COL25A1: variants seen among roughly 807,000 people sequenced by gnomAD.
COL25A1 encodes the protein collagen type XXV alpha 1 chain.
Under a neutral mutation model 128.4 loss-of-function variants are expected in COL25A1, and 103 were observed. That is an observed-to-expected ratio of 0.80 (90% CI 0.68 to 0.94). The LOEUF is 0.94. Among genes scored for constraint, COL25A1 ranks in the 40% least tolerant of loss-of-function variants. COL25A1 has a pLI of 0.00. For synonymous variants in COL25A1, 279 were observed against 277.2 expected, an observed-to-expected ratio of 1.01 and a Z score of -0.06; for missense variants, 745 against 840.0, an observed-to-expected ratio of 0.89 and a Z score of 1.40.
At chr4:108,898,915 T>A (rs1225050163) in intron 15 of COL25A1, among the ~76,000 whole-genome samples, 1 of 152,142 alleles carries the variant, frequency 6.6e-6, no homozygotes, top group Non-Finnish European at 1.5e-5. Context: ...TGTCTATACA[T>A]AAGAATCACA....
chr4:109,048,063 AT>A, intron 5 of COL25A1, 104 bp downstream of exon 5: 1 of 1,302,512 alleles, frequency 7.7e-7, no homozygotes, highest in Non-Finnish European at 1.1e-6. Context: ...GGTCAGTAAC[AT>A]TTTTCTAATA....
At chr4:109,227,101 C>A (rs887658084) in intron 3 of COL25A1, among the ~76,000 whole-genome samples, 2 of 152,118 alleles carry the variant, frequency 1.3e-5, no homozygotes, top group Admixed American at 1.3e-4. Flanking sequence ...TAGTAAGAGT[C>A]AAGATCTTGA....
intron 26 of COL25A1, among the ~76,000 whole-genome samples, chr4:108,850,459 C>T (rs918444050): frequency 3.4e-5 from 5 of 145,556 alleles, no homozygotes; most frequent in Admixed American, 1.4e-4. Context: ...ATTATAAGAC[C>T]ATTGTGGGGT....
rs541998349 is a variant in COL25A1, at chr4:108,832,839, A to G, written c.1657-406T>C. Reference sequence around the variant, plus strand: ...AACATGGTGAAACCCCGTCTCTATTAAAAACACAAAAATTAGCTGGGCATG... The same window carrying G: ...AACATGGTGAAACCCCGTCTCTATTGAAAACACAAAAATTAGCTGGGCATG... On this transcript the variant is annotated intron_variant, in intron 31 of 37. Coordinates refer to ENST00000399132, the MANE Select transcript of COL25A1 (RefSeq NM_198721.4). 4.4e-5 allele frequency: 7 copies of G among 158,162 alleles called. No homozygotes were observed. The South Asian group carries it at 1.3e-3, about 30-fold the overall frequency. 9.8% of individuals were successfully genotyped at this position (158,162 alleles called of 1,614,324 possible). A position where few individuals can be genotyped will look rare whatever the true frequency, so the allele number is the denominator to read the frequency against.
intron 3 of COL25A1, among the ~76,000 whole-genome samples, chr4:109,259,900 C>G (rs974218676): frequency 6.6e-6 from 1 of 152,156 alleles, no homozygotes; most frequent in Non-Finnish European, 1.5e-5. Context: ...GCAACGTAGC[C>G]AGAGGTTGCC....
intron 3 of COL25A1, among the ~76,000 whole-genome samples, chr4:109,266,944 G>A (rs1781837644): frequency 6.6e-6 from 1 of 152,116 alleles, no homozygotes. Flanking sequence ...TCCTAAATCT[G>A]CCTGCTAAAT....
intron 8 of COL25A1, among the ~76,000 whole-genome samples, chr4:108,945,924 C>T (rs1413421465): frequency 6.6e-6 from 1 of 152,176 alleles, no homozygotes; most frequent in Admixed American, 6.5e-5. Flanking sequence ...CTCAGCCTCC[C>T]AAAGTGCTGG....
At chr4:109,279,023 C>T (rs1723105495) in intron 3 of COL25A1, among the ~76,000 whole-genome samples, 1 of 151,790 alleles carries the variant, frequency 6.6e-6, no homozygotes, top group Admixed American at 6.6e-5. Context: ...ATTTATCTGG[C>T]CTCTGTCCTC....
At chr4:109,212,442 G>A (rs906505061) in intron 3 of COL25A1, among the ~76,000 whole-genome samples, 1 of 152,158 alleles carries the variant, frequency 6.6e-6, no homozygotes, top group African/African-American at 2.4e-5. Flanking sequence ...CCCTCCAAGA[G>A]CAAGCATTCT....
chr4:108,937,702 T>G (rs940184423), intron 11 of COL25A1, 106 bp downstream of exon 11: 44 of 963,544 alleles, frequency 4.6e-5, no homozygotes, highest in Non-Finnish European at 6.0e-5. Context: ...ATTTTCACTT[T>G]TTTATTATAG....
chr4:108,846,267 G>T, intron 27 of COL25A1, 48 bp from the exon 28 acceptor site: 1 of 1,099,082 alleles, frequency 9.1e-7, no homozygotes, highest in Non-Finnish European at 1.4e-6. Flanking sequence ...AATGACCCCC[G>T]ATAATTACAT....
chr4:109,106,948 C>T (rs1203846304), intron 3 of COL25A1, among the ~76,000 whole-genome samples: 3 of 152,016 alleles, frequency 2.0e-5, no homozygotes, highest in Non-Finnish European at 2.9e-5. Flanking sequence ...TTTCTGTTTC[C>T]TGTAGAGATG....
At chr4:108,862,371 A>G (rs1485104348) in intron 22 of COL25A1, 130 bp downstream of exon 22, 3 of 722,056 alleles carry the variant, frequency 4.2e-6, no homozygotes, top group South Asian at 1.7e-5. Flanking sequence ...CCCTTTTGCA[A>G]TAAGTATTGC....
chr4:108,975,370 C>A (rs1458948864), intron 6 of COL25A1, among the ~76,000 whole-genome samples: 1 of 152,190 alleles, frequency 6.6e-6, no homozygotes, highest in Non-Finnish European at 1.5e-5. Context: ...GCAGGAGAAT[C>A]GCTTGAACCT....
chr4:109,218,357 G>GTTTTTTTTT (rs34056401), intron 3 of COL25A1, among the ~76,000 whole-genome samples: 361 of 73,580 alleles, frequency 4.9e-3, no homozygotes, highest in African/African-American at 0.012. Flanking sequence ...GTTTTTTGGG[G>GTTTTTTTTT]TTTTTTTTTT....
chr4:109,058,968 A>G (rs879546029), intron 3 of COL25A1, among the ~76,000 whole-genome samples: 1 of 152,206 alleles, frequency 6.6e-6, no homozygotes, highest in Non-Finnish European at 1.5e-5. Context: ...AGAGAGGGTA[A>G]CGCAGAAGTC....
intron 3 of COL25A1, among the ~76,000 whole-genome samples, chr4:109,274,964 A>G (rs1722671615): frequency 6.6e-6 from 1 of 152,232 alleles, no homozygotes; most frequent in Admixed American, 6.5e-5. Context: ...GTTTTTGGTT[A>G]TTGAACTTCC....
chr4:109,149,944 G>A (rs1325941950), intron 3 of COL25A1, among the ~76,000 whole-genome samples: 1 of 149,190 alleles, frequency 6.7e-6, no homozygotes, highest in Non-Finnish European at 1.5e-5. Context: ...GTGTATGTAT[G>A]TGTGTGTGTG....
At chr4:109,225,250 A>G (rs1778727050) in intron 3 of COL25A1, among the ~76,000 whole-genome samples, 1 of 152,238 alleles carries the variant, frequency 6.6e-6, no homozygotes, top group Admixed American at 6.5e-5. Flanking sequence ...AAAAACTTAC[A>G]TTCAGAATCT....
Sources: gnomAD v4.1 joint callset for allele counts (sites outside exome capture counted in the v4.1 genomes callset) on GRCh38, gnomAD v4.1.1 for gene constraint, MANE v1.5 for transcripts, NCBI Gene and HGNC (gene_info 2026-07-23, HGNC 2026-07-21) for gene names.